PSG3: variants seen among roughly 807,000 people sequenced by gnomAD.
PSG3 encodes the protein pregnancy specific beta-1-glycoprotein 3, also known as pregnancy-specific beta-1-glycoprotein 3.
A neutral mutation model predicts 47.5 loss-of-function variants in PSG3; 61 were observed. The observed-to-expected ratio is 1.28, with a 90% CI of 1.05 to 1.59. The LOEUF (loss-of-function observed/expected upper bound fraction) is 1.59, where lower values mean the gene tolerates loss of function less well. Ranked by LOEUF, PSG3 falls within the 40% of genes most tolerant of loss-of-function variation. The pLI is 0.00. For synonymous variants in PSG3, 263 were observed against 198.4 expected (o/e 1.33, Z -2.74); for missense variants, 756 against 524.0 (o/e 1.44, Z -4.32).
At chr19:42,731,197 A>G (rs1413350933) in intron 3 of PSG3, among the ~76,000 whole-genome samples, 1 of 152,240 alleles carries the variant, frequency 6.6e-6, no homozygotes, top group Non-Finnish European at 1.5e-5. Flanking sequence ...TGATGCCTAT[A>G]GTTCACACAG....
In PSG3 at chr19:42,740,329, A is replaced by C. The variant is rs1242126539; in HGVS notation, c.56T>G (p.Leu19Arg). Reference protein sequence around the residue: ...CTQRITWKGLLLTALLLNFWN... With the variant: ...CTQRITWKGLRLTALLLNFWN... ...GGAAGTTCTCTCCTCACCTGTGAGC[A>C]GGAGCCCCTTCCAGGTGATGCGCTG... The change falls in exon 1 of 7, where the codon CTG becomes CGG. Residue 19 changes from leucine to arginine, a missense_variant. Leu to Arg is a moderately radical substitution (Grantham distance 102). Transcript: ENST00000327495. 1.2e-6 allele frequency: 2 copies of C among 1,613,926 alleles called. No homozygotes were observed. Among genetic ancestry groups the C allele is most frequent in the South Asian group, 1.1e-5 (1 of 91,072 alleles).
chr19:42,740,251 C>A, intron 1 of PSG3, 70 bp downstream of exon 1: 5 of 1,613,046 alleles, frequency 3.1e-6, no homozygotes, highest in Non-Finnish European at 4.2e-6. Context: ...CCCCAGGAGT[C>A]TCTCCAGGAG....
chr19:42,731,925 T>C (rs1231964592), intron 3 of PSG3: 1 of 151,342 alleles, frequency 6.6e-6, no homozygotes, highest in Non-Finnish European at 1.5e-5. Context: ...TTTCAGATTG[T>C]TCATTGTTAG....
chr19:42,739,261 C>G, intron 1 of PSG3, 172 bp from the exon 2 acceptor site: 1 of 1,140,336 alleles, frequency 8.8e-7, no homozygotes, highest in Non-Finnish European at 1.2e-6. Context: ...GTGTTTGTGT[C>G]CTACTCTCCT....
At chr19:42,726,383 T>C (rs1969378483) in intron 5 of PSG3, among the ~76,000 whole-genome samples, 1 of 152,190 alleles carries the variant, frequency 6.6e-6, no homozygotes, top group Admixed American at 6.5e-5. Flanking sequence ...AACTTATATG[T>C]AGAAAATCCT....
Position 42,721,691 on chromosome 19 carries a change from A to G in PSG3, c.*440T>C. The G allele has an allele frequency of 2.9e-6, 1 of 341,908 alleles. No homozygotes were observed. Among genetic ancestry groups the G allele is most frequent in the Non-Finnish European group, 5.2e-6 (1 of 190,566 alleles). 21.2% of individuals were successfully genotyped at this position (341,908 alleles called of 1,614,324 possible). A position where few individuals can be genotyped will look rare whatever the true frequency, so the allele number is the denominator to read the frequency against. ...ACCATAAACATATGAATACTCCTGA[A>G]TAGTTTCCCAATTCTGGGGCACTTA... On this transcript the variant is annotated 3_prime_UTR_variant, in exon 7 of 7. Transcript: ENST00000327495.
At chr19:42,735,401 C>T (rs1363827339) in intron 2 of PSG3, among the ~76,000 whole-genome samples, 1 of 152,072 alleles carries the variant, frequency 6.6e-6, no homozygotes, top group Non-Finnish European at 1.5e-5. Context: ...GAGTCTCGCT[C>T]TGTCACCTAG....
intron 5 of PSG3, among the ~76,000 whole-genome samples, chr19:42,726,048 G>A (rs922284261): frequency 7.8e-4 from 119 of 152,010 alleles, no homozygotes; most frequent in African/African-American, 2.8e-3. Flanking sequence ...AAATATGAAT[G>A]GAACTATAAT....
At chr19:42,727,401 A>C (rs925948238) in intron 5 of PSG3, among the ~76,000 whole-genome samples, 1 of 152,240 alleles carries the variant, frequency 6.6e-6, no homozygotes, top group Non-Finnish European at 1.5e-5. Context: ...AAAAGCTACA[A>C]GTCAACAACA....
At chr19:42,736,681 T>C (rs1411094473) in intron 2 of PSG3, among the ~76,000 whole-genome samples, 2 of 149,596 alleles carry the variant, frequency 1.3e-5, no homozygotes, top group East Asian at 3.9e-4. Flanking sequence ...GAAGAACTTG[T>C]CTGGCAATTA....
rs200076373 is a variant in PSG3, at chr19:42,738,816, G to T, written c.338C>A (p.Thr113Asn). Reference protein sequence around the residue: ...SNASLLIQNVTREDAGSYTLH... With the variant: ...SNASLLIQNVNREDAGSYTLH... The stretch of plus-strand genomic sequence containing the variant: ...GGTGTAGGATCCTGCGTCCTCCCGG[G>T]TGACATTCTGGATCAGCAGGGATGC... The change falls in exon 2 of 7, where the codon ACC (threonine) becomes AAC (asparagine). Residue 113 changes from threonine (T) to asparagine (N), a missense_variant. Physicochemically the swap from Thr to Asn is moderately conservative, Grantham distance 65 (BLOSUM62 0). Coordinates refer to ENST00000327495, the MANE Select transcript of PSG3 (RefSeq NM_021016.4). 11 of 1,613,984 alleles carry T rather than the reference G, an allele frequency of 6.8e-6. No individual in the cohort carries two copies. Among genetic ancestry groups the T allele is most frequent in the Non-Finnish European group, 9.3e-6 (11 of 1,180,014 alleles).
At chr19:42,734,521 T>A (rs1225198698) in intron 2 of PSG3, among the ~76,000 whole-genome samples, 5 of 152,122 alleles carry the variant, frequency 3.3e-5, no homozygotes, top group African/African-American at 4.8e-5. Context: ...CAGCAAAAAA[T>A]TTGGAGGAAA....
chr19:42,735,455 C>G (rs1370894531), intron 2 of PSG3, among the ~76,000 whole-genome samples: 1 of 152,146 alleles, frequency 6.6e-6, no homozygotes, highest in Admixed American at 6.5e-5. Context: ...CAAGCTCCAC[C>G]TCCTGGGTTC....
Position 42,738,795 on chromosome 19 carries a change from T to C in PSG3, c.359A>G (p.Tyr120Cys), listed in dbSNP as rs888829002. 2.0e-5 allele frequency: 33 copies of C among 1,613,994 alleles called. No homozygotes were observed. In the African/African-American group the frequency reaches 3.9e-4, roughly 19 times the overall value. The change falls in exon 2 of 7, where the codon TAC (tyrosine) becomes TGC (cysteine). Residue 120 changes from tyrosine (Y) to cysteine (C), a missense_variant. Physicochemically the swap from Tyr to Cys is radical, Grantham distance 194. Transcript: ENST00000327495. ...ACCTCGCTTTACGATGTGTAAGGTGTAGGATCCTGCGTCCTCCCGGGTGAC... is the reference window on the plus strand; with the variant it reads ...ACCTCGCTTTACGATGTGTAAGGTGCAGGATCCTGCGTCCTCCCGGGTGAC... ...QNVTREDAGS[Y>C]TLHIVKRGDG...
Position 42,739,209 on chromosome 19 carries a change from CAT to C in PSG3, c.65-122_65-121del, listed in dbSNP as rs1403700913. 11 of 1,350,020 alleles carry C rather than the reference CAT, an allele frequency of 8.1e-6. No homozygotes were observed. In the African/African-American group the frequency reaches 9.0e-5, roughly 11 times the overall value. 83.6% of individuals were successfully genotyped at this position (1,350,020 alleles called of 1,614,324 possible). The stretch of plus-strand genomic sequence containing the variant: ...AGCTTTGAAGAGACACACACACACA[CAT>C]ACAAACACACACACACACACAAAAG... On this transcript the variant is annotated intron_variant, in intron 1 of 6. Transcript: ENST00000327495.
At chr19:42,724,229 C>T (rs557619763) in intron 5 of PSG3, among the ~76,000 whole-genome samples, 1 of 152,144 alleles carries the variant, frequency 6.6e-6, no homozygotes, top group Admixed American at 6.5e-5. Flanking sequence ...GTGATCAGTC[C>T]TCTGTCAATT....
Position 42,732,971 on chromosome 19 carries a change from C to T in PSG3, c.522G>A (p.Pro174=), listed in dbSNP as rs144410961. 4.4e-5 allele frequency: 71 copies of T among 1,614,120 alleles called. 1 individual carries two copies. In the East Asian group the frequency reaches 6.0e-4, roughly 14 times the overall value. Residue 174 remains proline (P), a synonymous_variant, in exon 3 of 7, where the codon CCG becomes CCA. Transcript: ENST00000327495. ...TCATCCACCACAGGTAGCTTGCGTC[C>T]GGAGTCTCAGGATCACAGGTTAAGC... ...AVSLTCDPET[P]DASYLWWMNG...
intron 2 of PSG3, among the ~76,000 whole-genome samples, chr19:42,738,338 G>T (rs1969601205): frequency 6.6e-6 from 1 of 152,216 alleles, no homozygotes; most frequent in Non-Finnish European, 1.5e-5. Flanking sequence ...ATGGTTCTGG[G>T]GGTGAGGCTT....
rs28673196 is a variant in PSG3, at chr19:42,739,251, G to A, written c.65-162C>T. The A allele has an allele frequency of 5.9e-3, 7,335 of 1,239,358 alleles. 331 individuals are homozygous for A. The African/African-American group carries it at 0.1, about 17-fold the overall frequency. 76.8% of individuals were successfully genotyped at this position (1,239,358 alleles called of 1,614,324 possible). ...ACACACAAAAGGGGCATGTGTATAT[G>A]TGTTTGTGTCCTACTCTCCTACTAG... On this transcript the variant is annotated intron_variant, in intron 1 of 6. Coordinates refer to ENST00000327495, the MANE Select transcript of PSG3 (RefSeq NM_021016.4).
Sources: gnomAD v4.1 joint callset for allele counts (sites outside exome capture counted in the v4.1 genomes callset) on GRCh38, gnomAD v4.1.1 for gene constraint, MANE v1.5 for transcripts, NCBI Gene and HGNC (gene_info 2026-07-23, HGNC 2026-07-21) for gene names.